The following ATF7 variants were observed in gnomAD, a reference collection of about 807,000 sequenced individuals.
ATF7 encodes activating transcription factor 7, also known as cyclic AMP-dependent transcription factor ATF-7.
A neutral mutation model predicts 50.4 loss-of-function variants in ATF7; 10 were observed. That is an observed-to-expected ratio of 0.20 (90% CI 0.12 to 0.34). The LOEUF (loss-of-function observed/expected upper bound fraction) is 0.34. Ranked by LOEUF, ATF7 falls within the 10% of genes least tolerant of loss-of-function variation. The pLI, the probability that ATF7 is intolerant of heterozygous loss-of-function variation, is 1.00. For synonymous variants in ATF7, 201 were observed against 226.4 expected, an observed-to-expected ratio of 0.89 and a Z score of 1.01; for missense variants, 465 against 613.9, an observed-to-expected ratio of 0.76 and a Z score of 2.56.
chr12:53,545,477 C>T (rs1184790890), intron 3 of ATF7, among the ~76,000 whole-genome samples: 4 of 152,092 alleles, frequency 2.6e-5, no homozygotes, highest in African/African-American at 9.7e-5. Flanking sequence ...GCTGGGATTG[C>T]AGGCGCGCGC....
intron 2 of ATF7, among the ~76,000 whole-genome samples, chr12:53,564,613 G>A (rs915551106): frequency 6.6e-5 from 10 of 152,064 alleles, no homozygotes; most frequent in East Asian, 1.9e-4. Flanking sequence ...TTAAAAAATC[G>A]TACACTCCAG....
At chr12:53,590,311 T>C (rs942353022) in intron 2 of ATF7, among the ~76,000 whole-genome samples, 3 of 152,208 alleles carry the variant, frequency 2.0e-5, no homozygotes, top group African/African-American at 7.2e-5. Flanking sequence ...TCCAAGAACT[T>C]AGTAATTTAC....
At chr12:53,620,936 G>A (rs992447683) in intron 1 of ATF7, among the ~76,000 whole-genome samples, 7 of 152,246 alleles carry the variant, frequency 4.6e-5, no homozygotes, top group Admixed American at 2.0e-4. Context: ...AAGGGAGGTC[G>A]AGTACAGAAA....
chr12:53,559,991 C>T (rs1179639925), intron 2 of ATF7, among the ~76,000 whole-genome samples: 1 of 150,860 alleles, frequency 6.6e-6, no homozygotes. Context: ...GGTGTGATCT[C>T]GGCTCACCGC....
chr12:53,530,282 T>C (rs1361043745), intron 9 of ATF7, among the ~76,000 whole-genome samples: 1 of 152,178 alleles, frequency 6.6e-6, no homozygotes, highest in Non-Finnish European at 1.5e-5. Flanking sequence ...TGTTTGGACA[T>C]GTGGCAATAA....
At chr12:53,622,058 T>G (rs936907229) in intron 1 of ATF7, among the ~76,000 whole-genome samples, 4 of 152,052 alleles carry the variant, frequency 2.6e-5, no homozygotes, top group Non-Finnish European at 4.4e-5. Flanking sequence ...TCCAGCACTT[T>G]GGGAGGCCGA....
At chr12:53,521,230 G>A (rs1938108073) in intron 11 of ATF7, among the ~76,000 whole-genome samples, 1 of 152,146 alleles carries the variant, frequency 6.6e-6, no homozygotes, top group African/African-American at 2.4e-5. Flanking sequence ...GACCTCAGGT[G>A]ATACGCCTGC....
intron 2 of ATF7, among the ~76,000 whole-genome samples, chr12:53,581,042 G>A (rs1254754605): frequency 6.6e-6 from 1 of 151,902 alleles, no homozygotes; most frequent in Non-Finnish European, 1.5e-5. Context: ...AACCTGGGAG[G>A]TAGAGCTTGC....
intron 2 of ATF7, among the ~76,000 whole-genome samples, chr12:53,572,523 T>C (rs1192503788): frequency 6.6e-6 from 1 of 152,182 alleles, no homozygotes; most frequent in Non-Finnish European, 1.5e-5. Context: ...TACTAGGTTC[T>C]TACGGTGAAT....
At chr12:53,587,381 A>AAG (rs1565981099) in intron 2 of ATF7, among the ~76,000 whole-genome samples, 3 of 148,094 alleles carry the variant, frequency 2.0e-5, no homozygotes, top group African/African-American at 7.5e-5. Context: ...AAAAAAAAAA[A>AAG]AAGAAGGAAA....
chr12:53,547,077 C>T (rs575466870), intron 3 of ATF7, among the ~76,000 whole-genome samples: 37 of 148,740 alleles, frequency 2.5e-4, no homozygotes, highest in African/African-American at 8.4e-4. Flanking sequence ...CTCCACCTCC[C>T]GGGTTCATGC....
chr12:53,577,937 G>T (rs1229969297), intron 2 of ATF7, among the ~76,000 whole-genome samples: 1 of 151,894 alleles, frequency 6.6e-6, no homozygotes, highest in African/African-American at 2.4e-5. Context: ...AAGAGAAAGA[G>T]AAACATCTTG....
Position 53,515,753 on chromosome 12 carries a change from TATACTC to T in ATF7, c.*1378_*1383del, listed in dbSNP as rs1340612796. On this transcript the variant is annotated 3_prime_UTR_variant, in exon 12 of 12. Transcript: ENST00000420353. ...TCCTCTTCCTCCCTCCTTTCAATCT[TATACTC>T]AAGTAAACCCACTCAGCATCTTGGC... is the stretch of plus-strand genomic sequence containing the variant. The T allele has an allele frequency of 6.6e-6, 1 of 152,204 alleles. No homozygotes were observed. Among genetic ancestry groups the T allele is most frequent in the African/African-American group, 2.4e-5 (1 of 41,438 alleles). The allele number at this position is 152,204 out of a possible 1,614,324, so 9.4% of individuals were successfully genotyped here.
At chr12:53,562,779 T>C (rs1178214443) in intron 2 of ATF7, among the ~76,000 whole-genome samples, 1 of 152,014 alleles carries the variant, frequency 6.6e-6, no homozygotes, top group African/African-American at 2.4e-5. Context: ...GGACCAAGAA[T>C]ACCCTAATGC....
chr12:53,511,010 T>C (rs1468680212), downstream of ATF7, among the ~76,000 whole-genome samples: 3 of 152,232 alleles, frequency 2.0e-5, no homozygotes, highest in Non-Finnish European at 2.9e-5. Context: ...GCACAGGCTA[T>C]TTGTGTCAAG....
intron 2 of ATF7, among the ~76,000 whole-genome samples, chr12:53,586,730 A>T (rs958293604): frequency 5.3e-5 from 8 of 152,134 alleles, no homozygotes; most frequent in Non-Finnish European, 1.2e-4. Context: ...TGCTGCCCTG[A>T]ACCACTTTTT....
chr12:53,572,286 G>A (rs778172087), intron 2 of ATF7, among the ~76,000 whole-genome samples: 1 of 152,154 alleles, frequency 6.6e-6, no homozygotes, highest in Non-Finnish European at 1.5e-5. Context: ...AGGGCAAACT[G>A]CTGTTCCCCA....
At chr12:53,599,031 TTTTAAA>T (rs1432464976) in intron 2 of ATF7, among the ~76,000 whole-genome samples, 1 of 152,120 alleles carries the variant, frequency 6.6e-6, no homozygotes, top group African/African-American at 2.4e-5. Flanking sequence ...GAGAGATCAT[TTTTAAA>T]TTTATTTATT....
chr12:53,601,754 C>T (rs7302357), intron 1 of ATF7, among the ~76,000 whole-genome samples: 25,025 of 152,002 alleles, frequency 0.16, 2,133 homozygotes, highest in East Asian at 0.25. Context: ...GAACATGTTC[C>T]GGCTGTTTGT....
Sources: gnomAD v4.1 joint callset for allele counts (sites outside exome capture counted in the v4.1 genomes callset) on GRCh38, gnomAD v4.1.1 for gene constraint, MANE v1.5 for transcripts, NCBI Gene and HGNC (gene_info 2026-07-23, HGNC 2026-07-21) for gene names.